Variants in KIAA1217 observed in about 807,000 individuals in gnomAD.
KIAA1217 encodes sickle tail protein homolog.
Under a neutral mutation model 163.9 loss-of-function variants are expected in KIAA1217, and 88 were observed. That is an observed-to-expected ratio of 0.54 (90% confidence interval 0.45 to 0.64). The LOEUF (loss-of-function observed/expected upper bound fraction) is 0.64. Ranked by LOEUF, KIAA1217 falls within the 30% of genes least tolerant of loss-of-function variation. The pLI, the probability that KIAA1217 is intolerant of heterozygous loss-of-function variation, is 0.00. For synonymous variants in KIAA1217, 903 were observed against 923.1 expected (o/e 0.98, Z 0.39); for missense variants, 2,372 against 2,475.0 (o/e 0.96, Z 0.88).
At chr10:24,426,252 T>C (rs76642825) in intron 3 of KIAA1217, among the ~76,000 whole-genome samples, 2,950 of 152,300 alleles carry the variant, frequency 0.019, 92 homozygotes, top group African/African-American at 0.067. Context: ...GAGCGTCTAC[T>C]AGGTACCTAA....
intron 2 of KIAA1217, among the ~76,000 whole-genome samples, chr10:24,376,445 T>C (rs546444023): frequency 6.6e-6 from 1 of 152,282 alleles, no homozygotes; most frequent in East Asian, 1.9e-4. Context: ...GAACTAGAAC[T>C]AGCATTCCCA....
intron 2 of KIAA1217, among the ~76,000 whole-genome samples, chr10:24,023,685 T>C (rs1847827909): frequency 1.3e-5 from 2 of 151,700 alleles, no homozygotes; most frequent in African/African-American, 4.8e-5. Context: ...CTTCAAAAGA[T>C]ATAAAATAAT....
chr10:24,345,997 A>C (rs968939576), intron 2 of KIAA1217, among the ~76,000 whole-genome samples: 1 of 152,044 alleles, frequency 6.6e-6, no homozygotes, highest in Non-Finnish European at 1.5e-5. Context: ...GGCAACCACC[A>C]TTCTACTTTC....
chr10:24,381,203 T>C lies in KIAA1217; in HGVS notation c.553+136T>C, dbSNP rs2053250833. Reference sequence around the variant, plus strand: ...ATACTCTAGTACTGGGAAACTTCATTGGTTTAATATCAAGCATTGAGGATT... The same window carrying C: ...ATACTCTAGTACTGGGAAACTTCATCGGTTTAATATCAAGCATTGAGGATT... On this transcript the variant is annotated intron_variant, in intron 3 of 20. Transcript: ENST00000376454. 4 of 654,560 alleles carry C rather than the reference T, an allele frequency of 6.1e-6. No individual in the cohort carries two copies. The South Asian group carries it at 1.3e-4, about 21-fold the overall frequency. The allele number at this position is 654,560 out of a possible 1,614,324, so 40.5% of individuals were successfully genotyped here. A position where few individuals can be genotyped will look rare whatever the true frequency, so the allele number is the denominator to read the frequency against.
Position 24,543,235 on chromosome 10 carries a change from A to ACACTAGACTAACAG in KIAA1217, c.3966_3979dup (p.Glu1327AlafsTer4). ...ACGGATAAGTGTCACGTTTCCTCTC[A>ACACTAGACTAACAG]CACTAGACTAACAGAATCAAGCGTG... is the stretch of plus-strand genomic sequence containing the variant. On this transcript the variant is annotated frameshift_variant, in exon 19 of 21. Coordinates refer to ENST00000376454, the MANE Select transcript of KIAA1217 (RefSeq NM_019590.5). LOFTEE classifies it high-confidence loss of function. The ACACTAGACTAACAG allele has an allele frequency of 6.2e-7, 1 of 1,614,076 alleles. No individual in the cohort carries two copies. The highest frequency in any genetic ancestry group is 8.5e-7 in the Non-Finnish European group (1 of 1,180,032).
chr10:23,937,050 T>C (rs1032609627), intron 1 of KIAA1217, among the ~76,000 whole-genome samples: 1 of 152,134 alleles, frequency 6.6e-6, no homozygotes, highest in African/African-American at 2.4e-5. Context: ...AATTTTTGTA[T>C]TTTTAGTAGA....
chr10:24,158,181 G>A (rs1041733749), intron 2 of KIAA1217: 1 of 744,080 alleles, frequency 1.3e-6, no homozygotes, highest in African/African-American at 1.7e-5. Flanking sequence ...AACATTTCAT[G>A]ATGCAGAGTC....
intron 1 of KIAA1217, among the ~76,000 whole-genome samples, chr10:23,708,357 G>A (rs538791139): frequency 6.6e-6 from 1 of 152,296 alleles, no homozygotes; most frequent in Non-Finnish European, 1.5e-5. Flanking sequence ...TTGAACAGCA[G>A]CAGAAGGAGG....
chr10:24,169,856 CTT>C (rs2065540906), intron 2 of KIAA1217, among the ~76,000 whole-genome samples: 1 of 152,058 alleles, frequency 6.6e-6, no homozygotes, highest in African/African-American at 2.4e-5. Flanking sequence ...GTATTCCACA[CTT>C]ATAAAACAGT....
chr10:24,495,763 G>A (rs901309350), intron 8 of KIAA1217, among the ~76,000 whole-genome samples: 3 of 152,222 alleles, frequency 2.0e-5, no homozygotes, highest in Admixed American at 2.0e-4. Context: ...GATGAGAAGG[G>A]ACAGTAGCCA....
At chr10:23,925,276 A>G (rs1842978820) in intron 1 of KIAA1217, among the ~76,000 whole-genome samples, 3 of 152,202 alleles carry the variant, frequency 2.0e-5, no homozygotes, top group South Asian at 2.1e-4. Context: ...CTCTTTCAGC[A>G]TACATAGGCA....
intron 2 of KIAA1217, among the ~76,000 whole-genome samples, chr10:24,321,584 T>A (rs576114724): frequency 6.6e-6 from 1 of 152,128 alleles, no homozygotes; most frequent in South Asian, 2.1e-4. Context: ...GAAGAATGGA[T>A]AAAATGTGAA....
At chr10:24,475,632 A>G (rs919961012) in intron 6 of KIAA1217, among the ~76,000 whole-genome samples, 4 of 152,230 alleles carry the variant, frequency 2.6e-5, no homozygotes, top group Admixed American at 2.6e-4. Context: ...ATTGGAAAAT[A>G]GTATTCATTC....
intron 1 of KIAA1217, among the ~76,000 whole-genome samples, chr10:23,949,272 A>C (rs1239755939): frequency 6.6e-6 from 1 of 152,228 alleles, no homozygotes; most frequent in Non-Finnish European, 1.5e-5. Flanking sequence ...CATGTACAAA[A>C]GCAAAGAAGC....
intron 1 of KIAA1217, among the ~76,000 whole-genome samples, chr10:23,776,648 TA>T (rs1835019315): frequency 6.6e-6 from 1 of 151,098 alleles, no homozygotes; most frequent in African/African-American, 2.4e-5. Flanking sequence ...GAATTACTAC[TA>T]TGTGTACTGA....
At chr10:24,029,129 G>T (rs1302558521) in intron 2 of KIAA1217, among the ~76,000 whole-genome samples, 1 of 152,048 alleles carries the variant, frequency 6.6e-6, no homozygotes, top group Non-Finnish European at 1.5e-5. Flanking sequence ...TTTTGTCTAT[G>T]ATTTTTTTAG....
rs374094403 is a variant in KIAA1217 at position 24,473,500 on chromosome 10, C to T, written c.1119C>T (p.Val373=). The T allele has an allele frequency of 4.3e-5, 70 of 1,614,004 alleles. No homozygotes were observed. Among genetic ancestry groups the T allele is most frequent in the Non-Finnish European group, 5.6e-5 (66 of 1,180,042 alleles). Residue 373 remains valine (V), a synonymous_variant, in exon 6 of 21, where the codon GTC becomes GTT. Transcript: ENST00000376454. The part of the protein sequence containing the change: ...SPSAILERRD[V]KPDEDMSGKN... ...GCGCCATTTTAGAAAGAAGAGATGTCAAGCCTGATGAAGACATGAGTGGCA... is the reference window on the plus strand; with the variant it reads ...GCGCCATTTTAGAAAGAAGAGATGTTAAGCCTGATGAAGACATGAGTGGCA...
At chr10:24,343,965 AC>A (rs1259874623) in intron 2 of KIAA1217, among the ~76,000 whole-genome samples, 1 of 152,094 alleles carries the variant, frequency 6.6e-6, no homozygotes, top group African/African-American at 2.4e-5. Flanking sequence ...CTCCAATTCT[AC>A]GATGTTTGAG....
At chr10:24,223,042 T>TA (rs2069879315) in intron 2 of KIAA1217, among the ~76,000 whole-genome samples, 1 of 152,018 alleles carries the variant, frequency 6.6e-6, no homozygotes, top group Admixed American at 6.5e-5. Context: ...CCACCAGAGG[T>TA]CACTCTTGTG....
Sources: gnomAD v4.1 joint callset for allele counts (sites outside exome capture counted in the v4.1 genomes callset) on GRCh38, gnomAD v4.1.1 for gene constraint, MANE v1.5 for transcripts, NCBI Gene and HGNC (gene_info 2026-07-23, HGNC 2026-07-21) for gene names.